The following TSNARE1 variants were observed in gnomAD, a reference collection of about 807,000 sequenced individuals.
The protein encoded by TSNARE1 is t-SNARE domain containing 1.
In TSNARE1, 49 loss-of-function variants were observed where a neutral mutation model predicts 62.0. That is an observed-to-expected ratio of 0.79 (90% CI 0.63 to 1.00). TSNARE1 has a LOEUF of 1.00. TSNARE1 is among the 50% of genes least tolerant of loss of function. The pLI, the probability that TSNARE1 is intolerant of heterozygous loss-of-function variation, is 0.00. For synonymous variants in TSNARE1, 328 were observed against 294.4 expected, an observed-to-expected ratio of 1.11 and a Z score of -1.17; for missense variants, 755 against 700.1, an observed-to-expected ratio of 1.08 and a Z score of -0.88.
intron 12 of TSNARE1, chr8:142,274,371 TC>T (rs1820073913): frequency 1.0e-6 from 1 of 985,304 alleles, no homozygotes; most frequent in Admixed American, 6.1e-5. Flanking sequence ...GCTTTCTTGT[TC>T]CCTCTGAGCC....
intron 1 of TSNARE1, among the ~76,000 whole-genome samples, chr8:142,358,790 C>T (rs770691146): frequency 6.6e-6 from 1 of 152,066 alleles, no homozygotes; most frequent in African/African-American, 2.4e-5. Flanking sequence ...ACCCCCCCAT[C>T]GCTGGGAGAC....
At chr8:142,391,388 CAG>C (rs1837519633) in intron 1 of TSNARE1, among the ~76,000 whole-genome samples, 1 of 151,724 alleles carries the variant, frequency 6.6e-6, no homozygotes, top group Non-Finnish European at 1.5e-5. Context: ...GACTCTGTAA[CAG>C]ATGCTGTACA....
At chr8:142,395,265 C>G (rs190942609) in intron 1 of TSNARE1, among the ~76,000 whole-genome samples, 1 of 152,150 alleles carries the variant, frequency 6.6e-6, no homozygotes, top group Non-Finnish European at 1.5e-5. Flanking sequence ...GCCCAAGCCA[C>G]GCAGAGCCAC....
At chr8:142,273,048 C>T in intron 12 of TSNARE1, 4 of 985,460 alleles carry the variant, frequency 4.1e-6, no homozygotes, top group Non-Finnish European at 4.8e-6. Context: ...GGGCCTGAGC[C>T]TTGCCCACCT....
intron 13 of TSNARE1, among the ~76,000 whole-genome samples, chr8:142,223,051 T>TTCAC (rs1306144431): frequency 1.9e-4 from 21 of 107,946 alleles, no homozygotes; most frequent in African/African-American, 5.2e-4. Context: ...CACTCACTCA[T>TTCAC]TCACTCATTC....
rs58552964 is a variant in TSNARE1, at chr8:142,242,970, A to AAAG, written c.1447-13392_1447-13391insCTT. On this transcript the variant is annotated intron_variant, in intron 12 of 13. Transcript: ENST00000524325. ...CTCAAAAAAAAAAAAAAAAAAAAAA[A>AAAG]GCTAACAGATATATGACAAGGTGCT... Among the ~76,000 whole-genome samples, 61 of 149,870 alleles carry AAAG rather than the reference A, an allele frequency of 4.1e-4. 1 individual carries two copies. The highest frequency in any genetic ancestry group is 1.4e-3 in the African/African-American group (54 of 39,994).
At chr8:142,308,185 G>A (rs1321123862) in intron 9 of TSNARE1, among the ~76,000 whole-genome samples, 1 of 152,176 alleles carries the variant, frequency 6.6e-6, no homozygotes, top group Non-Finnish European at 1.5e-5. Context: ...TGTGCTGTGG[G>A]CTGCACTCTC....
chr8:142,252,282 T>C (rs917828851), intron 12 of TSNARE1, among the ~76,000 whole-genome samples: 1 of 152,220 alleles, frequency 6.6e-6, no homozygotes, highest in African/African-American at 2.4e-5. Flanking sequence ...ACATTCGTAA[T>C]GCATGGGTTG....
At chr8:142,264,961 C>T (rs1015111038) in intron 12 of TSNARE1, among the ~76,000 whole-genome samples, 1 of 152,126 alleles carries the variant, frequency 6.6e-6, no homozygotes, top group Non-Finnish European at 1.5e-5. Context: ...GTGTTATCTG[C>T]TTCTCCTTTT....
chr8:142,325,785 G>A (rs762729036), intron 6 of TSNARE1, among the ~76,000 whole-genome samples: 3 of 152,370 alleles, frequency 2.0e-5, no homozygotes. Flanking sequence ...AGAGGCTGGA[G>A]TAGATGGATG....
At chr8:142,283,441 GAGCAGAGGCAGGGACAGTGTCAATGAACA>G (rs1586529977) in intron 11 of TSNARE1, among the ~76,000 whole-genome samples, 1 of 144,896 alleles carries the variant, frequency 6.9e-6, no homozygotes, top group South Asian at 2.4e-4. Flanking sequence ...GTCTGTCAAC[GAGCAGAGGCAGGGACAGTGTCAATGAACA>G]GAGGCGGGGC....
At chr8:142,277,174 C>A (rs917615120) in intron 11 of TSNARE1, 1 of 985,388 alleles carries the variant, frequency 1.0e-6, no homozygotes. Context: ...GCCCTGGGCA[C>A]CTGCTCCTCC....
chr8:142,269,259 T>C (rs867037297), intron 12 of TSNARE1, among the ~76,000 whole-genome samples: 8 of 152,146 alleles, frequency 5.3e-5, no homozygotes, highest in South Asian at 2.1e-4. Context: ...GCTAAGTCAG[T>C]GACCAGGATC....
chr8:142,248,016 G>C (rs1817975774), intron 12 of TSNARE1: 2 of 152,296 alleles, frequency 1.3e-5, no homozygotes, highest in South Asian at 4.1e-4. Context: ...GGTGTGAATG[G>C]CCCCTCCAAA....
At chr8:142,347,299 G>A (rs1833503277) in intron 2 of TSNARE1, among the ~76,000 whole-genome samples, 1 of 152,196 alleles carries the variant, frequency 6.6e-6, no homozygotes, top group South Asian at 2.1e-4. Flanking sequence ...GGGAAAACCA[G>A]GCACCCACGA....
chr8:142,213,546 C>T (rs1246970900), intron 13 of TSNARE1, among the ~76,000 whole-genome samples: 3 of 152,146 alleles, frequency 2.0e-5, no homozygotes, highest in African/African-American at 7.2e-5. Flanking sequence ...GTTGCCTGGC[C>T]GTGGGCAGAG....
chr8:142,396,065 C>CAGGA (rs1015770870), intron 1 of TSNARE1, among the ~76,000 whole-genome samples: 1 of 152,112 alleles, frequency 6.6e-6, no homozygotes. Flanking sequence ...GGCTCTCTGA[C>CAGGA]AGGACCCTTG....
chr8:142,360,058 G>A (rs1835037119), intron 1 of TSNARE1, among the ~76,000 whole-genome samples: 3 of 152,226 alleles, frequency 2.0e-5, no homozygotes, highest in Admixed American at 6.5e-5. Flanking sequence ...TGTGGGGTGC[G>A]GCCTTGAAGG....
chr8:142,340,554 T>A (rs913768350), intron 4 of TSNARE1, among the ~76,000 whole-genome samples: 2 of 152,224 alleles, frequency 1.3e-5, no homozygotes, highest in South Asian at 2.1e-4. Flanking sequence ...CATCACCAGG[T>A]TGAAGACTTT....
Sources: allele counts gnomAD v4.1 joint callset (sites outside exome capture counted in the v4.1 genomes callset), GRCh38; gene constraint gnomAD v4.1.1; transcripts MANE v1.5; gene names NCBI Gene and HGNC (gene_info 2026-07-23, HGNC 2026-07-21).